Variants in ROBO2 observed in about 807,000 individuals in gnomAD.
ROBO2 encodes roundabout homolog 2.
Under a neutral mutation model 160.8 loss-of-function variants are expected in ROBO2, and 53 were observed. The ratio of observed to expected loss-of-function variants is 0.33; its 90% CI spans 0.26 to 0.41. The LOEUF (loss-of-function observed/expected upper bound fraction) is 0.41. ROBO2 is among the 10% of genes least tolerant of loss of function. ROBO2 has a pLI of 1.00. For synonymous variants in ROBO2, 664 were observed against 611.7 expected (o/e 1.09, Z -1.26); for missense variants, 1,577 against 1,722.4 (o/e 0.92, Z 1.49).
chr3:76,676,341 C>A (rs2092407933), intron 2 of ROBO2, among the ~76,000 whole-genome samples: 1 of 152,122 alleles, frequency 6.6e-6, no homozygotes, highest in African/African-American at 2.4e-5. Flanking sequence ...TGCACTTTTC[C>A]TTCCTTGCTT....
At chr3:76,288,709 T>A (rs1708654017) in intron 2 of ROBO2, among the ~76,000 whole-genome samples, 1 of 152,128 alleles carries the variant, frequency 6.6e-6, no homozygotes, top group African/African-American at 2.4e-5. Context: ...ACTCAATGTT[T>A]AGCTCTCACT....
chr3:77,552,207 T>TA, intron 8 of ROBO2, among the ~76,000 whole-genome samples: 1 of 152,180 alleles, frequency 6.6e-6, no homozygotes, highest in African/African-American at 2.4e-5. Flanking sequence ...TCCAGATACA[T>TA]ACACTTGAAA....
intron 2 of ROBO2, among the ~76,000 whole-genome samples, chr3:76,563,925 G>T (rs1382807912): frequency 6.6e-6 from 1 of 152,316 alleles, no homozygotes; most frequent in Non-Finnish European, 1.5e-5. Context: ...ATTCAAGTAA[G>T]ATCTAAAAGT....
At chr3:76,074,452 C>A (rs13067235) in intron 2 of ROBO2, among the ~76,000 whole-genome samples, 1,673 of 152,274 alleles carry the variant, frequency 0.011, 13 homozygotes, top group Non-Finnish European at 0.016. Context: ...GTGAATGTGG[C>A]CCGATTAATT....
chr3:77,368,902 C>T (rs1205639437), intron 2 of ROBO2, among the ~76,000 whole-genome samples: 1 of 152,126 alleles, frequency 6.6e-6, no homozygotes, highest in African/African-American at 2.4e-5. Flanking sequence ...AACCTTTAGT[C>T]AGTGAACACC....
At chr3:76,475,319 A>C (rs1402465592) in intron 2 of ROBO2, among the ~76,000 whole-genome samples, 2 of 152,104 alleles carry the variant, frequency 1.3e-5, no homozygotes, top group Non-Finnish European at 2.9e-5. Context: ...GCTGGAAAAA[A>C]AAGTAGAACC....
chr3:77,559,765 T>C (rs562886356), intron 9 of ROBO2, among the ~76,000 whole-genome samples: 1 of 152,178 alleles, frequency 6.6e-6, no homozygotes, highest in East Asian at 1.9e-4. Context: ...TTTTGCTACA[T>C]GCACACACAT....
At chr3:77,442,745 G>C (rs922419148) in intron 2 of ROBO2, among the ~76,000 whole-genome samples, 5 of 152,146 alleles carry the variant, frequency 3.3e-5, no homozygotes, top group African/African-American at 1.2e-4. Flanking sequence ...TGTTCCAAAT[G>C]AGCCGGGGCA....
At chr3:76,119,924 T>TCCTC (rs1559566774) in intron 2 of ROBO2, among the ~76,000 whole-genome samples, 956 of 50,740 alleles carry the variant, frequency 0.019, 13 homozygotes, top group South Asian at 0.058. Context: ...CTCCCTTCCT[T>TCCTC]CCTTCCTTCC....
intron 2 of ROBO2, among the ~76,000 whole-genome samples, chr3:77,328,201 G>A (rs2065631646): frequency 6.6e-6 from 1 of 151,706 alleles, no homozygotes; most frequent in Admixed American, 6.6e-5. Flanking sequence ...TTGCTTTAAG[G>A]ATTTTCCTTT....
chr3:76,665,943 TATTATATATA>T (rs1341760480), intron 2 of ROBO2, among the ~76,000 whole-genome samples: 94 of 140,010 alleles, frequency 6.7e-4, no homozygotes, highest in Middle Eastern at 3.7e-3. Context: ...ACATATAATA[TATTATATATA>T]ATATATACAT....
At chr3:76,295,983 C>T (rs367933254) in intron 2 of ROBO2, among the ~76,000 whole-genome samples, 6 of 152,220 alleles carry the variant, frequency 3.9e-5, no homozygotes, top group Admixed American at 3.3e-4. Flanking sequence ...TTTTCATCTG[C>T]GTAGGCTGAA....
intron 2 of ROBO2, among the ~76,000 whole-genome samples, chr3:77,001,905 G>A (rs1244593632): frequency 1.3e-5 from 2 of 152,014 alleles, no homozygotes; most frequent in African/African-American, 4.8e-5. Flanking sequence ...TCTTTTATGT[G>A]TTTCCTCACT....
intron 2 of ROBO2, among the ~76,000 whole-genome samples, chr3:77,310,556 A>G (rs2063459024): frequency 6.6e-6 from 1 of 152,130 alleles, no homozygotes. Flanking sequence ...GGTTCTGGAG[A>G]AAAAGAAAGA....
At chr3:77,425,808 C>T (rs1181088483) in intron 2 of ROBO2, among the ~76,000 whole-genome samples, 1 of 151,744 alleles carries the variant, frequency 6.6e-6, no homozygotes, top group East Asian at 1.9e-4. Context: ...GAATTACAGG[C>T]ATTCGACACT....
At chr3:76,524,879 G>C (rs879313274) in intron 2 of ROBO2, among the ~76,000 whole-genome samples, 1 of 42,496 alleles carries the variant, frequency 2.4e-5, no homozygotes, top group South Asian at 8.3e-4. Context: ...AGTAAAATCA[G>C]ATACATCAAA....
intron 2 of ROBO2, among the ~76,000 whole-genome samples, chr3:77,302,945 G>A (rs1176080781): frequency 6.6e-6 from 1 of 151,926 alleles, no homozygotes; most frequent in Non-Finnish European, 1.5e-5. Context: ...ATTGAGTAAG[G>A]GAATATTTTT....
At chr3:77,194,811 T>C (rs2082168603) in intron 2 of ROBO2, among the ~76,000 whole-genome samples, 1 of 152,188 alleles carries the variant, frequency 6.6e-6, no homozygotes, top group Admixed American at 6.5e-5. Flanking sequence ...ATTAGAAATA[T>C]GGCATTGGAT....
intron 2 of ROBO2, among the ~76,000 whole-genome samples, chr3:76,112,201 CT>C (rs954180783): frequency 3.9e-5 from 6 of 151,924 alleles, no homozygotes; most frequent in South Asian, 2.1e-4. Flanking sequence ...CTTAGGAGTC[CT>C]TTTTTTTCAT....
Sources: allele counts gnomAD v4.1 joint callset (sites outside exome capture counted in the v4.1 genomes callset), GRCh38; gene constraint gnomAD v4.1.1; transcripts MANE v1.5; gene names NCBI Gene and HGNC (gene_info 2026-07-23, HGNC 2026-07-21).